Variants in TRIML1 observed in about 807,000 individuals in gnomAD.
The protein encoded by TRIML1 is tripartite motif family like 1.
In TRIML1, 34 loss-of-function variants were observed where a neutral mutation model predicts 32.3. The observed-to-expected ratio is 1.05, with a 90% CI of 0.80 to 1.40. The LOEUF (loss-of-function observed/expected upper bound fraction) is 1.40. TRIML1 is among the 40% of genes most tolerant of loss of function. The pLI, the probability that TRIML1 is intolerant of heterozygous loss-of-function variation, is 0.00. For missense variants in TRIML1, 595 were observed against 574.9 expected (o/e 1.03, Z -0.36); for synonymous variants, 244 against 226.6 (o/e 1.08, Z -0.69).
rs368476506 is a variant in TRIML1, at chr4:188,142,132, AG to A, written c.505-119del. The A allele has an allele frequency of 3.7e-4, 241 of 647,006 alleles. 2 individuals are homozygous for A. The highest frequency in any genetic ancestry group is 2.9e-3 in the African/African-American group (140 of 48,982). The allele number at this position is 647,006 out of a possible 1,614,324, so 40.1% of individuals were successfully genotyped here. On this transcript the variant is annotated intron_variant, in intron 2 of 5. Coordinates refer to ENST00000332517, the MANE Select transcript of TRIML1 (RefSeq NM_178556.5). ...CTCCATCTCAAAAAAAAAAAAAAAA[AG>A]AAAGAAAGAAACTCTAGGACTTGTA...
In TRIML1 at chr4:188,139,879, T is replaced by C; in HGVS notation, c.321T>C (p.Asp107=). The C allele has an allele frequency of 6.2e-7, 1 of 1,613,844 alleles. No homozygotes were observed. The highest frequency in any genetic ancestry group is 1.1e-5 in the South Asian group (1 of 91,076). The change falls in exon 1 of 6, where the codon GAT becomes GAC. Residue 107 remains aspartate, a synonymous_variant. Coordinates refer to ENST00000332517, the MANE Select transcript of TRIML1 (RefSeq NM_178556.5). ...RMPTTAKALS[D]DEQGGSAFVA... is the part of the protein sequence containing the mutation. ...CCACCACTGCCAAGGCGCTCTCCGA[T>C]GACGAGCAGGGTGGAAGCGCCTTCG...
At chr4:188,145,110 T>A (rs1398980975) in intron 5 of TRIML1, among the ~76,000 whole-genome samples, 1 of 152,058 alleles carries the variant, frequency 6.6e-6, no homozygotes, top group African/African-American at 2.4e-5. Flanking sequence ...TAATTAGTTA[T>A]GGTGGGATCT....
rs1363633629 is a variant in TRIML1, at chr4:188,140,616, T to A, written c.497T>A (p.Leu166Gln). 1.2e-6 allele frequency: 2 copies of A among 1,612,954 alleles called. No individual in the cohort carries two copies. The highest frequency in any genetic ancestry group is 1.7e-5 in the Admixed American group (1 of 59,976). Residue 166 changes from leucine to glutamine, a missense_variant, in exon 2 of 6, where the codon CTG becomes CAG. Transcript: ENST00000332517. The part of the protein sequence containing the change: ...VLTHEKERVK[L>Q]CQEETKTCKQ... ...ACCCATGAGAAGGAGAGAGTGAAACTGTGCCAGGTCGGTGTCTGTCTGACT... is the reference window on the plus strand; with the variant it reads ...ACCCATGAGAAGGAGAGAGTGAAACAGTGCCAGGTCGGTGTCTGTCTGACT...
At chr4:188,140,248 G>A (rs1446687049) in intron 1 of TRIML1, among the ~76,000 whole-genome samples, 1 of 151,848 alleles carries the variant, frequency 6.6e-6, no homozygotes, top group Non-Finnish European at 1.5e-5. Flanking sequence ...AGCCTCCCCA[G>A]TAGCTGGGAC....
At chr4:188,139,310 G>C (rs1317966845), upstream of TRIML1, 2 of 385,394 alleles carry the variant, frequency 5.2e-6, no homozygotes, top group African/African-American at 4.1e-5. Context: ...TTTTCACAGA[G>C]ATAAGTCTCA....
Position 188,141,165 on chromosome 4 carries a change from G to GTTTTTTTTTTTTTTTTTT in TRIML1, c.504+544_504+561dup, listed in dbSNP as rs58714915. Among the ~76,000 whole-genome samples the GTTTTTTTTTTTTTTTTTT allele has an allele frequency of 1.5e-4, 18 of 118,822 alleles. 2 individuals carry two copies. Among genetic ancestry groups the GTTTTTTTTTTTTTTTTTT allele is most frequent in the East Asian group, 5.5e-4 (2 of 3,652 alleles). The allele number at this position is 118,822 out of a possible 152,430, so 78.0% of individuals were successfully genotyped here. A position where few individuals can be genotyped will look rare whatever the true frequency, so the allele number is the denominator to read the frequency against. On this transcript the variant is annotated intron_variant, in intron 2 of 5. Coordinates refer to ENST00000332517, the MANE Select transcript of TRIML1 (RefSeq NM_178556.5). ...ATTCTCCCAATAGACTTTGAAATCT[G>GTTTTTTTTTTTTTTTTTT]TTTTTTTTTTTTTTTTTTTGGAGAT...
At chr4:188,145,533 G>A (rs556830539) in intron 5 of TRIML1, among the ~76,000 whole-genome samples, 40 of 146,830 alleles carry the variant, frequency 2.7e-4, no homozygotes, top group South Asian at 2.2e-3. Flanking sequence ...GTGGAAGTTG[G>A]AATCCTCAGC....
chr4:188,147,080 C>G lies in TRIML1; in HGVS notation c.1115C>G (p.Pro372Arg), dbSNP rs1236579490. 1 of 1,613,914 alleles carries G rather than the reference C, an allele frequency of 6.2e-7. No homozygotes were observed. The highest frequency in any genetic ancestry group is 1.3e-5 in the African/African-American group (1 of 75,018). The change falls in exon 6 of 6, where the codon CCT becomes CGT. Residue 372 changes from proline to arginine, a missense_variant. Transcript: ENST00000332517. ...AGAAAGGGGAATCTCCCCAAGCCACCTGGGGACCTGTTCTCACTAATAGGT... is the reference window on the plus strand; with the variant it reads ...AGAAAGGGGAATCTCCCCAAGCCACGTGGGGACCTGTTCTCACTAATAGGT... ...VSRKGNLPKP[P>R]GDLFSLIGLK...
intron 2 of TRIML1, 165 bp downstream of exon 2, chr4:188,140,788 G>A: frequency 1.7e-6 from 1 of 578,164 alleles, no homozygotes; most frequent in South Asian, 2.1e-5. Flanking sequence ...CGTCCTCGTG[G>A]GAGTCTCAAG....
At chr4:188,148,891 C>T (rs983138708), downstream of TRIML1, among the ~76,000 whole-genome samples, 6 of 142,768 alleles carry the variant, frequency 4.2e-5, no homozygotes, top group Non-Finnish European at 4.5e-5. Flanking sequence ...TGTGAGCCAC[C>T]GTGCCCAGGC....
chr4:188,143,937 A>G, intron 4 of TRIML1, 77 bp downstream of exon 4: 2 of 1,608,320 alleles, frequency 1.2e-6, no homozygotes, highest in Non-Finnish European at 1.7e-6. Flanking sequence ...TGGGGATAGG[A>G]GGTCTGCGCT....
intron 1 of TRIML1, among the ~76,000 whole-genome samples, chr4:188,140,269 CA>C (rs1734803127): frequency 6.6e-6 from 1 of 152,014 alleles, no homozygotes; most frequent in African/African-American, 2.4e-5. Flanking sequence ...TACAGTCACC[CA>C]CCACCACGCC....
downstream of TRIML1, among the ~76,000 whole-genome samples, chr4:188,148,183 C>T (rs55722824): frequency 0.13 from 20,189 of 152,054 alleles, 1,578 homozygotes; most frequent in South Asian, 0.32. Context: ...AAAGAGCCTA[C>T]CCTCTTCTTA....
chr4:188,144,597 C>T (rs562050117), intron 5 of TRIML1, among the ~76,000 whole-genome samples: 3 of 151,022 alleles, frequency 2.0e-5, no homozygotes, highest in East Asian at 3.9e-4. Flanking sequence ...CTCCTGACCT[C>T]GTGATCCGCC....
intron 2 of TRIML1, among the ~76,000 whole-genome samples, chr4:188,141,865 C>A (rs1006181444): frequency 2.0e-5 from 3 of 152,044 alleles, no homozygotes; most frequent in Non-Finnish European, 4.4e-5. Flanking sequence ...GTAATCCCAG[C>A]ACTTTGGGAG....
intron 4 of TRIML1, 60 bp from the exon 5 acceptor site, chr4:188,143,976 T>G (rs1734959594): frequency 1.9e-6 from 3 of 1,606,084 alleles, no homozygotes; most frequent in African/African-American, 1.3e-5. Flanking sequence ...AGGTGGACTC[T>G]CCAGCTGGAG....
intron 2 of TRIML1, 113 bp from the exon 3 acceptor site, chr4:188,142,139 A>G (rs1734879052): frequency 1.4e-6 from 1 of 718,950 alleles, no homozygotes; most frequent in South Asian, 2.2e-5. Flanking sequence ...AAAAGAAAGA[A>G]AGAAACTCTA....
Position 188,147,125 on chromosome 4 carries a change from A to G in TRIML1, c.1160A>G (p.Tyr387Cys). 1 of 1,614,102 alleles carries G rather than the reference A, an allele frequency of 6.2e-7. No homozygotes were observed. Among genetic ancestry groups the G allele is most frequent in the Admixed American group, 1.7e-5 (1 of 60,016 alleles). ...ATAGGTTTAAAAATCGGAGATGATT[A>G]CAGCCTCTGGGTCTCGTCACCTTTG... ...SLIGLKIGDD[Y>C]SLWVSSPLKG... The change falls in exon 6 of 6, where the codon TAC becomes TGC. Residue 387 changes from tyrosine (Y) to cysteine (C), a missense_variant. Transcript: ENST00000332517.
chr4:188,138,285 G>A (rs1005395417), upstream of TRIML1, among the ~76,000 whole-genome samples: 3 of 152,140 alleles, frequency 2.0e-5, no homozygotes, highest in Admixed American at 6.5e-5. Context: ...TTGGAGGTAA[G>A]TGGGAAAGAA....
Sources: gnomAD v4.1 joint callset for allele counts (sites outside exome capture counted in the v4.1 genomes callset) on GRCh38, gnomAD v4.1.1 for gene constraint, MANE v1.5 for transcripts, NCBI Gene and HGNC (gene_info 2026-07-23, HGNC 2026-07-21) for gene names.